PRICKLE1: variants seen among roughly 807,000 people sequenced by gnomAD.
PRICKLE1 encodes prickle planar cell polarity protein 1, also known as prickle-like protein 1.
A neutral mutation model predicts 70.2 loss-of-function variants in PRICKLE1; 14 were observed. That is an observed-to-expected ratio of 0.20 (90% CI 0.13 to 0.31). PRICKLE1 has a LOEUF of 0.31. Ranked by LOEUF, PRICKLE1 falls within the 10% of genes least tolerant of loss-of-function variation. PRICKLE1 has a pLI of 1.00. For synonymous variants in PRICKLE1, 357 were observed against 379.9 expected (o/e 0.94, Z 0.70); for missense variants, 821 against 1,026.2 (o/e 0.80, Z 2.73).
chr12:42,517,535 A>C (rs1319868888), intron 1 of PRICKLE1, among the ~76,000 whole-genome samples: 1 of 151,800 alleles, frequency 6.6e-6, no homozygotes. Context: ...GATGGTCTTG[A>C]TCTCCTGACC....
chr12:42,469,915 A>G (rs1440432951), intron 3 of PRICKLE1: 2 of 490,646 alleles, frequency 4.1e-6, no homozygotes, highest in African/African-American at 1.9e-5. Context: ...TCCATTCTAC[A>G]TGCACTCAAC....
chr12:42,464,160 C>G lies in PRICKLE1; in HGVS notation c.1639+235G>C, dbSNP rs1593105101. ...TCTCTTGCCTCAGCCTCCCGAGTAG[C>G]TGGGATCACAGGCCCATGCCCAGCT... On this transcript the variant is annotated intron_variant, in intron 7 of 7. Transcript: ENST00000345127. This position sits in a 1 kb window ranked among gnomAD's most constrained non-coding sequence, Gnocchi z 4.2. Among the ~76,000 whole-genome samples the G allele has an allele frequency of 1.3e-5, 2 of 152,098 alleles. No individual in the cohort carries two copies. The highest frequency in any genetic ancestry group is 1.3e-4 in the Admixed American group (2 of 15,264).
intron 3 of PRICKLE1, 32 bp from the exon 4 acceptor site, chr12:42,469,619 T>C: frequency 6.2e-7 from 1 of 1,613,316 alleles, no homozygotes; most frequent in Non-Finnish European, 8.5e-7. Flanking sequence ...AACACCACAC[T>C]GAGTGCACAG....
At chr12:42,496,736 G>A (rs1260067640) in intron 1 of PRICKLE1, among the ~76,000 whole-genome samples, 1 of 152,132 alleles carries the variant, frequency 6.6e-6, no homozygotes, top group Non-Finnish European at 1.5e-5. Context: ...ACCTCATGAA[G>A]CAACCTCTGC....
intron 7 of PRICKLE1, among the ~76,000 whole-genome samples, chr12:42,462,164 C>A (rs1022573388): frequency 4.0e-5 from 6 of 151,748 alleles, no homozygotes; most frequent in Non-Finnish European, 7.4e-5. Flanking sequence ...GAATGTCAGC[C>A]CCTAACACTT....
At chr12:42,482,795 C>T (rs61924401) in intron 1 of PRICKLE1, 44,902 of 152,388 alleles carry the variant, frequency 0.29, 6,943 homozygotes, top group East Asian at 0.49. Context: ...TTTGGGAAAA[C>T]TCAGCCGGCC....
At chr12:42,535,730 G>C (rs566974254) in intron 1 of PRICKLE1, among the ~76,000 whole-genome samples, 3 of 152,286 alleles carry the variant, frequency 2.0e-5, no homozygotes, top group African/African-American at 7.2e-5. Context: ...GCTGCAGTAA[G>C]CTATGATTGT....
intron 1 of PRICKLE1, among the ~76,000 whole-genome samples, chr12:42,587,844 C>T (rs2178750): frequency 0.99 from 151,070 of 152,396 alleles, 74,893 homozygotes; most frequent in Middle Eastern, 1. Context: ...TTGACAAATA[C>T]TGCGTCATCC....
At chr12:42,542,795 G>C (rs1167950143) in intron 1 of PRICKLE1, among the ~76,000 whole-genome samples, 3 of 152,214 alleles carry the variant, frequency 2.0e-5, no homozygotes, top group Non-Finnish European at 4.4e-5. Flanking sequence ...CCACATTCAA[G>C]ATTTGGTTGT....
intron 1 of PRICKLE1, among the ~76,000 whole-genome samples, chr12:42,509,248 T>C (rs1223973584): frequency 6.6e-6 from 1 of 152,242 alleles, no homozygotes; most frequent in Non-Finnish European, 1.5e-5. Flanking sequence ...TCATCTGTAG[T>C]TCCTTAGTCT....
chr12:42,497,294 C>T (rs981240392), intron 1 of PRICKLE1, among the ~76,000 whole-genome samples: 1 of 152,136 alleles, frequency 6.6e-6, no homozygotes, highest in African/African-American at 2.4e-5. Context: ...GCCTGTAATT[C>T]CAGCACTTTG....
At chr12:42,534,650 A>G (rs776457350) in intron 1 of PRICKLE1, among the ~76,000 whole-genome samples, 3 of 152,226 alleles carry the variant, frequency 2.0e-5, no homozygotes, top group Non-Finnish European at 2.9e-5. Flanking sequence ...AAAAGGGCAG[A>G]GCAGGGATCT....
intron 1 of PRICKLE1, chr12:42,525,010 G>A (rs1288159019): frequency 6.6e-6 from 1 of 152,190 alleles, no homozygotes; most frequent in African/African-American, 2.4e-5. Context: ...ACTGCTAGCT[G>A]GCAGCCGCTG....
At chr12:42,475,068 A>G (rs1938469647) in intron 1 of PRICKLE1, among the ~76,000 whole-genome samples, 1 of 152,190 alleles carries the variant, frequency 6.6e-6, no homozygotes. Context: ...AGGTAAATCA[A>G]CGTTAGCACT....
At chr12:42,516,697 G>C (rs1483885893) in intron 1 of PRICKLE1, among the ~76,000 whole-genome samples, 1 of 152,166 alleles carries the variant, frequency 6.6e-6, no homozygotes, top group African/African-American at 2.4e-5. Context: ...GGAGGATGAG[G>C]ACAGGGAAAG....
At chr12:42,570,763 T>C (rs191404855) in intron 1 of PRICKLE1, among the ~76,000 whole-genome samples, 13 of 152,294 alleles carry the variant, frequency 8.5e-5, no homozygotes, top group Admixed American at 1.3e-4. Flanking sequence ...GAGGTTGCAG[T>C]GAGCCGAGAT....
chr12:42,465,268 A>G lies in PRICKLE1; in HGVS notation c.776-10T>C. On this transcript the variant is annotated splice_polypyrimidine_tract_variant and intron_variant, in intron 6 of 7. Transcript: ENST00000345127. ...TGTGCATGGTCCACACCTGTTTTGA[A>G]AAGGATAGAATAAATAACAGGTTAT... 6 of 1,613,982 alleles carry G rather than the reference A, an allele frequency of 3.7e-6. No individual in the cohort carries two copies. The highest frequency in any genetic ancestry group is 5.1e-6 in the Non-Finnish European group (6 of 1,179,924).
At chr12:42,585,932 GT>G (rs1566137423) in intron 1 of PRICKLE1, among the ~76,000 whole-genome samples, 1 of 152,136 alleles carries the variant, frequency 6.6e-6, no homozygotes, top group Non-Finnish European at 1.5e-5. Context: ...TCCTTGGAAC[GT>G]GCTGTGGAGC....
At chr12:42,466,110 A>G in intron 6 of PRICKLE1, 84 bp downstream of exon 6, 1 of 1,460,478 alleles carries the variant, frequency 6.8e-7, no homozygotes, top group Admixed American at 1.7e-5. Flanking sequence ...ACTTTAAAAA[A>G]CAGAAAAAGA....
Sources: gnomAD v4.1 joint callset for allele counts (sites outside exome capture counted in the v4.1 genomes callset) on GRCh38, gnomAD v4.1.1 for gene constraint, Gnocchi (gnomAD v3.1) non-coding constraint, MANE v1.5 for transcripts, NCBI Gene and HGNC (gene_info 2026-07-23, HGNC 2026-07-21) for gene names.